Variants in WNT5B observed in about 807,000 individuals in gnomAD.
The protein encoded by WNT5B is protein Wnt-5b.
In WNT5B, 18 loss-of-function variants were observed where a neutral mutation model predicts 36.5. The ratio of observed to expected loss-of-function variants is 0.49; its 90% CI spans 0.34 to 0.73. The LOEUF (loss-of-function observed/expected upper bound fraction) is 0.73. WNT5B is among the 30% of genes least tolerant of loss of function. The pLI is 0.01. For synonymous variants in WNT5B, 213 were observed against 212.3 expected (o/e 1.00, Z -0.03); for missense variants, 424 against 508.4 (o/e 0.83, Z 1.60).
upstream of WNT5B, among the ~76,000 whole-genome samples, chr12:1,626,930 T>G: frequency 6.6e-6 from 1 of 152,192 alleles, no homozygotes; most frequent in Non-Finnish European, 1.5e-5. Context: ...AGAGTGCTTT[T>G]CTTTTCTTTC....
At chr12:1,641,441 TG>T (rs1321697030) in intron 4 of WNT5B, among the ~76,000 whole-genome samples, 1 of 151,080 alleles carries the variant, frequency 6.6e-6, no homozygotes, top group Non-Finnish European at 1.5e-5. Context: ...GGTGGCACCC[TG>T]GTGATTCAGT....
intron 4 of WNT5B, among the ~76,000 whole-genome samples, chr12:1,643,468 C>T (rs768484633): frequency 6.6e-5 from 10 of 152,064 alleles, no homozygotes; most frequent in Admixed American, 1.3e-4. Flanking sequence ...CAGGTTCAAG[C>T]GATTCTTCTG....
upstream of WNT5B, among the ~76,000 whole-genome samples, chr12:1,626,120 G>A (rs11061880): frequency 0.56 from 84,084 of 151,336 alleles, 23,654 homozygotes; most frequent in African/African-American, 0.6. Context: ...CACCATGCTC[G>A]GCTAACTTTA....
intron 3 of WNT5B, among the ~76,000 whole-genome samples, chr12:1,636,500 TATATATATATATATATATATATATATA>T (rs1428142408): frequency 5.9e-4 from 1 of 1,684 alleles, no homozygotes; most frequent in African/African-American, 1.1e-3. Flanking sequence ...TTGCAGTCTA[TATATATATATATATATATATATATATA>T]TATATATATA....
chr12:1,639,655 C>G, intron 3 of WNT5B, 29 bp from the exon 4 acceptor site: 2 of 1,476,884 alleles, frequency 1.4e-6, no homozygotes, highest in Non-Finnish European at 8.9e-7. Flanking sequence ...GAGAGCGCAC[C>G]CGCTTACCGC....
intron 1 of WNT5B, among the ~76,000 whole-genome samples, chr12:1,623,184 G>GGTTTT (rs1272170104): frequency 1.9e-5 from 1 of 53,492 alleles, no homozygotes; most frequent in African/African-American, 7.4e-5. Flanking sequence ...AGGGTTTTTT[G>GGTTTT]TTGTTTTTTT....
Position 1,618,053 on chromosome 12 carries a change from G to A in WNT5B, c.-58+910G>A, listed in dbSNP as rs542722470. ...GCTACTCAGGAGGCTGAGGTGGGAG[G>A]ATCGCTTGAGCCCAGGAGTTCGAGG... On this transcript the variant is annotated intron_variant, in intron 1 of 4. Coordinates refer to the WNT5B transcript ENST00000310594. The surrounding 1 kb of genome is among the most constrained non-coding windows in gnomAD (Gnocchi z 4.1). Among the ~76,000 whole-genome samples the A allele has an allele frequency of 5.5e-4, 84 of 152,208 alleles. No individual in the cohort carries two copies. Among genetic ancestry groups the A allele is most frequent in the Middle Eastern group, 3.4e-3 (1 of 294 alleles).
At position 1,644,532 on chromosome 12, in the gene WNT5B, C is replaced by T. The variant is rs1028322636; in HGVS notation, c.622-1262C>T. 6.6e-6 allele frequency among the ~76,000 whole-genome samples: 1 copy of T among 152,232 alleles called. No individual in the cohort carries two copies. Among genetic ancestry groups the T allele is most frequent in the African/African-American group, 2.4e-5 (1 of 41,466 alleles). ...CTGATGATGGCTGTGCTGTCTCTTG[C>T]ACCTGCAGTGGTCTCTGCTTAGCTC... is the stretch of plus-strand genomic sequence containing the variant. On this transcript the variant is annotated intron_variant, in intron 4 of 4. Coordinates refer to ENST00000397196, the MANE Select transcript of WNT5B (RefSeq NM_032642.3). This position sits in a 1 kb window ranked among gnomAD's most constrained non-coding sequence, Gnocchi z 5.1.
In WNT5B at chr12:1,645,850, C is replaced by T. The variant is rs770293379; in HGVS notation, c.678C>T (p.Cys226=). The T allele has an allele frequency of 6.2e-7, 1 of 1,609,014 alleles. No homozygotes were observed. The highest frequency in any genetic ancestry group is 1.1e-5 in the South Asian group (1 of 90,782). The part of the protein sequence containing the change: ...ACKCHGVSGS[C]SLKTCWLQLA... ...AATGCCACGGCGTCTCGGGGTCCTG[C>T]AGCCTCAAGACCTGCTGGCTGCAGC... The change falls in exon 5 of 5, where the codon TGC becomes TGT. Residue 226 remains cysteine, a synonymous_variant. Transcript: ENST00000397196.
rs1404248845 is a variant in WNT5B, at chr12:1,639,756, G to GGT, written c.401_402insGT (p.Glu135SerfsTer64). ...GTCAACGCCATCAGCCGGGCCTGCC[G>GGT]CGAGGGCGAGCTCTCCACCTGCGGC... On this transcript the variant is annotated frameshift_variant, in exon 4 of 5. Transcript: ENST00000397196. LOFTEE classifies it high-confidence loss of function. 6.2e-7 allele frequency: 1 copy of GGT among 1,606,176 alleles called. No homozygotes were observed. Among genetic ancestry groups the GGT allele is most frequent in the South Asian group, 1.1e-5 (1 of 90,436 alleles).
At chr12:1,634,257 A>T (rs1183181005) in intron 3 of WNT5B, among the ~76,000 whole-genome samples, 1 of 152,138 alleles carries the variant, frequency 6.6e-6, no homozygotes, top group South Asian at 2.1e-4. Flanking sequence ...CCCACCTGGC[A>T]CTTGTCTCTT....
intron 3 of WNT5B, among the ~76,000 whole-genome samples, chr12:1,639,025 A>G (rs1253418537): frequency 6.6e-6 from 1 of 152,086 alleles, no homozygotes; most frequent in Non-Finnish European, 1.5e-5. Context: ...GTGTTTCTGA[A>G]TGCCTATTCT....
chr12:1,631,130 G>A (rs1359737524), intron 1 of WNT5B, 168 bp from the exon 2 acceptor site: 1 of 503,766 alleles, frequency 2.0e-6, no homozygotes, highest in Non-Finnish European at 3.4e-6. Context: ...GAAGTCCTAG[G>A]GTGGGAAGAT....
In WNT5B at chr12:1,631,409, C is replaced by A. The variant is rs1491001673; in HGVS notation, c.55C>A (p.Leu19Ile). ...TAALLSSWAQ[L>I]LTDANSWWSL... ...TGCTCTGCTGTCCAGCTGGGCTCAG[C>A]TTCTGACAGACGCCAACTCCTGGTG... Residue 19 changes from leucine (L) to isoleucine (I), a missense_variant, in exon 2 of 5, where the codon CTT becomes ATT. Coordinates refer to ENST00000397196, the MANE Select transcript of WNT5B (RefSeq NM_032642.3). 2 of 1,614,188 alleles carry A rather than the reference C, an allele frequency of 1.2e-6. No individual in the cohort carries two copies. Among genetic ancestry groups the A allele is most frequent in the Admixed American group, 3.3e-5 (2 of 60,030 alleles).
chr12:1,619,236 T>C (rs1466717107), intron 1 of WNT5B, among the ~76,000 whole-genome samples: 2 of 150,340 alleles, frequency 1.3e-5, no homozygotes, highest in African/African-American at 4.9e-5. Context: ...GCTGCAATCA[T>C]GGTGGAGCTG....
rs2094581827 is a variant in WNT5B at position 1,644,596 on chromosome 12, C to G, written c.622-1198C>G. On this transcript the variant is annotated intron_variant, in intron 4 of 4. Coordinates refer to ENST00000397196, the MANE Select transcript of WNT5B (RefSeq NM_032642.3). This position sits in a 1 kb window ranked among gnomAD's most constrained non-coding sequence, Gnocchi z 5.1. ...AATCTGGGGGCTCTTGAAAAGAAATCTAAGAGAAACCCTTGAAAAATGAGT... is the reference window on the plus strand; with the variant it reads ...AATCTGGGGGCTCTTGAAAAGAAATGTAAGAGAAACCCTTGAAAAATGAGT... 6.6e-6 allele frequency among the ~76,000 whole-genome samples: 1 copy of G among 152,170 alleles called. No homozygotes were observed. The highest frequency in any genetic ancestry group is 1.5e-5 in the Non-Finnish European group (1 of 68,020).
At chr12:1,626,859 C>T (rs538355008), upstream of WNT5B, among the ~76,000 whole-genome samples, 2 of 152,326 alleles carry the variant, frequency 1.3e-5, no homozygotes, top group South Asian at 4.1e-4. Flanking sequence ...GCCACTGCGC[C>T]CGGCCGCCAA....
Position 1,630,369 on chromosome 12 carries a change from C to A in WNT5B, c.-57-929C>A. The A allele has an allele frequency of 2.2e-6, 1 of 447,604 alleles. No individual in the cohort carries two copies. Among genetic ancestry groups the A allele is most frequent in the Non-Finnish European group, 3.0e-6 (1 of 338,102 alleles). The allele number at this position is 447,604 out of a possible 1,614,324, so 27.7% of individuals were successfully genotyped here. A position where few individuals can be genotyped will look rare whatever the true frequency, so the allele number is the denominator to read the frequency against. ...ACTGACCTGCTGCGGGTCCCAGGGC[C>A]TGGGGACAGGGGCTCTCGGGGGCGG... is the stretch of plus-strand genomic sequence containing the variant. On this transcript the variant is annotated intron_variant, in intron 1 of 4. Transcript: ENST00000397196. This position sits in a 1 kb window ranked among gnomAD's most constrained non-coding sequence, Gnocchi z 5.3.
rs115206311 is a variant in WNT5B at position 1,623,647 on chromosome 12, A to G, written c.-58+6504A>G. ...AGGACATAGTTTCTTGGTGAGTTTC[A>G]CTGTTAAGGCCAATCTAAAATGTCC... On this transcript the variant is annotated intron_variant, in intron 1 of 4. Transcript: ENST00000310594. Among the ~76,000 whole-genome samples, 1,297 of 152,170 alleles carry G rather than the reference A, an allele frequency of 8.5e-3. 19 individuals carry two copies. Among genetic ancestry groups the G allele is most frequent in the African/African-American group, 0.03 (1,229 of 41,504 alleles).
Sources: gnomAD v4.1 joint callset for allele counts (sites outside exome capture counted in the v4.1 genomes callset) on GRCh38, gnomAD v4.1.1 for gene constraint, Gnocchi (gnomAD v3.1) non-coding constraint, MANE v1.5 for transcripts, NCBI Gene and HGNC (gene_info 2026-07-23, HGNC 2026-07-21) for gene names.